The following RSPH3 variants were observed in gnomAD, a reference collection of about 807,000 sequenced individuals.
The protein encoded by RSPH3 is radial spoke head protein 3 homolog.
In RSPH3, 21 loss-of-function variants were observed where a neutral mutation model predicts 43.8. That is an observed-to-expected ratio of 0.48 (90% CI 0.34 to 0.69). The LOEUF is 0.69. RSPH3 is among the 30% of genes least tolerant of loss of function. RSPH3 has a pLI of 0.01. For synonymous variants in RSPH3, 173 were observed against 179.8 expected, an observed-to-expected ratio of 0.96 and a Z score of 0.30; for missense variants, 487 against 516.0, an observed-to-expected ratio of 0.94 and a Z score of 0.54.
chr6:158,964,021 C>G, the RSPH3 span, among the ~76,000 whole-genome samples: 2,703 of 152,248 alleles, frequency 0.018, 33 homozygotes, highest in Middle Eastern at 0.024. Context: ...AATAACTTTT[C>G]CTAGTTATCA....
At chr6:158,990,545 G>A (rs1434449661) in intron 2 of RSPH3, 1 of 152,082 alleles carries the variant, frequency 6.6e-6, no homozygotes, top group African/African-American at 2.4e-5. Context: ...GAAAAATATT[G>A]TGCCACTTTC....
rs1778790559 is a variant in RSPH3, at chr6:158,999,739, G to C, written c.-189C>G. On this transcript the variant is annotated 5_prime_UTR_variant, in exon 1 of 8. Coordinates refer to ENST00000367069, the MANE Select transcript of RSPH3 (RefSeq NM_031924.8). The stretch of plus-strand genomic sequence containing the variant: ...GCGCAGGAGGTGGGAGCTATACTGG[G>C]CTCGCTCCCAGCACCACAGAGACCA... 6.2e-7 allele frequency: 1 copy of C among 1,612,192 alleles called. No individual in the cohort carries two copies. The highest frequency in any genetic ancestry group is 1.7e-5 in the Admixed American group (1 of 59,882).
downstream of RSPH3, among the ~76,000 whole-genome samples, chr6:158,969,402 C>T (rs1777669089): frequency 6.6e-6 from 1 of 152,226 alleles, no homozygotes; most frequent in Non-Finnish European, 1.5e-5. Context: ...AGCCCATGTA[C>T]ATGAAAAGTA....
Position 158,978,465 on chromosome 6 carries a change from C to T in RSPH3, c.860-119G>A. ...ATATAAAATGTTAAGTAGACTCATA[C>T]AGCATAACTTTTGCCATATTCCTTA... On this transcript the variant is annotated intron_variant, in intron 6 of 7. Transcript: ENST00000367069. The T allele has an allele frequency of 5.0e-6, 3 of 599,956 alleles. No homozygotes were observed. In the East Asian group the frequency reaches 8.7e-5, roughly 17 times the overall value. 37.2% of individuals were successfully genotyped at this position (599,956 alleles called of 1,614,324 possible). A position where few individuals can be genotyped will look rare whatever the true frequency, so the allele number is the denominator to read the frequency against.
chr6:158,978,183 T>C, intron 7 of RSPH3, 77 bp downstream of exon 7: 1 of 806,460 alleles, frequency 1.2e-6, no homozygotes, highest in Non-Finnish European at 2.0e-6. Flanking sequence ...ACTGTAAAAT[T>C]AATCTTTCTT....
At chr6:158,982,402 G>T in intron 5 of RSPH3, 83 bp downstream of exon 5, 1 of 831,882 alleles carries the variant, frequency 1.2e-6, no homozygotes, top group Non-Finnish European at 1.8e-6. Context: ...TTAGTTTTAT[G>T]ATATATCATC....
chr6:158,992,825 T>A (rs1778461867), intron 2 of RSPH3, among the ~76,000 whole-genome samples: 1 of 152,186 alleles, frequency 6.6e-6, no homozygotes, highest in African/African-American at 2.4e-5. Flanking sequence ...ATACCATGTC[T>A]TACTCATCTC....
chr6:158,968,257 T>C (rs954579199), downstream of RSPH3, among the ~76,000 whole-genome samples: 6 of 152,116 alleles, frequency 3.9e-5, no homozygotes, highest in Non-Finnish European at 5.9e-5. Flanking sequence ...TTTTTTGAGA[T>C]GGAGTCTCAC....
chr6:158,996,729 A>G (rs1001235566), intron 1 of RSPH3, among the ~76,000 whole-genome samples: 2 of 152,256 alleles, frequency 1.3e-5, no homozygotes, highest in African/African-American at 4.8e-5. Flanking sequence ...TAGGATAGAG[A>G]CAGATTGACA....
chr6:158,992,050 G>GTTTTT lies in RSPH3; in HGVS notation c.204+1784_204+1788dup, dbSNP rs1214613827. Among the ~76,000 whole-genome samples, 303 of 113,760 alleles carry GTTTTT rather than the reference G, an allele frequency of 2.7e-3. 1 individual carries two copies. The highest frequency in any genetic ancestry group is 0.011 in the East Asian group (41 of 3,740). The allele number at this position is 113,760 out of a possible 152,430, so 74.6% of individuals were successfully genotyped here. ...TCCCAACTGTAGGCTAATGAGCACT[G>GTTTTT]TTTTTTTTTTTTTTTTTTTTGTAGA... On this transcript the variant is annotated intron_variant, in intron 2 of 7. Coordinates refer to ENST00000367069, the MANE Select transcript of RSPH3 (RefSeq NM_031924.8).
intron 2 of RSPH3, among the ~76,000 whole-genome samples, chr6:158,991,924 G>T (rs1032425940): frequency 4.6e-5 from 7 of 151,878 alleles, no homozygotes; most frequent in African/African-American, 1.7e-4. Context: ...AATGTACTTT[G>T]AATACTCATA....
chr6:158,984,434 T>TATA (rs1778146618), intron 3 of RSPH3, among the ~76,000 whole-genome samples: 1 of 63,708 alleles, frequency 1.6e-5, no homozygotes, highest in Non-Finnish European at 2.6e-5. Flanking sequence ...AAAAAGTCAA[T>TATA]TATATATATA....
chr6:158,986,594 T>A (rs574282265), intron 2 of RSPH3, among the ~76,000 whole-genome samples, 173 bp from the exon 3 acceptor site: 10 of 152,258 alleles, frequency 6.6e-5, no homozygotes, highest in Non-Finnish European at 1.3e-4. Flanking sequence ...ATTACAAAGA[T>A]GTTTGACAAA....
chr6:158,999,537 A>G lies in RSPH3; in HGVS notation c.14T>C (p.Leu5Pro), dbSNP rs867225111. The G allele has an allele frequency of 6.3e-7, 1 of 1,592,366 alleles. No homozygotes were observed. The highest frequency in any genetic ancestry group is 1.1e-5 in the South Asian group (1 of 89,150). The change falls in exon 1 of 8, where the codon CTG (leucine) becomes CCG (proline). Residue 5 changes from leucine to proline, a missense_variant. By Grantham distance (98) the Leu-to-Pro change is moderately conservative (BLOSUM62 -3). Coordinates refer to ENST00000367069, the MANE Select transcript of RSPH3 (RefSeq NM_031924.8). MASA[L>P]TDRTSRAPST... is the part of the protein sequence containing the mutation. ...CGGGGCCCGAGAGGTGCGATCAGTC[A>G]GCGCTGAGGCCATGTCCGGGGGCTG...
At chr6:158,966,913 T>C in the RSPH3 span, among the ~76,000 whole-genome samples, 1 of 152,156 alleles carries the variant, frequency 6.6e-6, no homozygotes. Flanking sequence ...GTTTAGGTTA[T>C]TGATTTAGGA....
chr6:158,982,165 ATCTT>A (rs1369466975), intron 5 of RSPH3, among the ~76,000 whole-genome samples: 5 of 152,122 alleles, frequency 3.3e-5, no homozygotes. Context: ...ACCAACATAC[ATCTT>A]TCTTTCTTTA....
chr6:158,980,457 T>A (rs12190523), intron 6 of RSPH3, among the ~76,000 whole-genome samples: 20,030 of 151,860 alleles, frequency 0.13, 2,040 homozygotes, highest in East Asian at 0.41. Context: ...TCCTCATTTC[T>A]CACATGAAGA....
At chr6:158,995,756 G>A (rs1172456220) in intron 1 of RSPH3, among the ~76,000 whole-genome samples, 1 of 148,586 alleles carries the variant, frequency 6.7e-6, no homozygotes, top group Non-Finnish European at 1.5e-5. Context: ...CACCACGCCC[G>A]GCTCATTTTT....
chr6:158,982,787 G>A (rs1177856611), intron 4 of RSPH3, 99 bp from the exon 5 acceptor site: 6 of 757,602 alleles, frequency 7.9e-6, no homozygotes, highest in Non-Finnish European at 1.3e-5. Context: ...TATTTATTAA[G>A]TGTCTCCTGT....
Sources: allele counts gnomAD v4.1 joint callset (sites outside exome capture counted in the v4.1 genomes callset), GRCh38; gene constraint gnomAD v4.1.1; transcripts MANE v1.5; gene names NCBI Gene and HGNC (gene_info 2026-07-23, HGNC 2026-07-21).